AHCYL2: variants seen among roughly 807,000 people sequenced by gnomAD.
AHCYL2 encodes the protein S-adenosylhomocysteine hydrolase-like protein 2.
AHCYL2 carries 28 observed loss-of-function variants against 81.4 expected under a neutral mutation model. The observed-to-expected ratio is 0.34, with a 90% CI of 0.25 to 0.47. AHCYL2 has a LOEUF of 0.47. AHCYL2 is among the 20% of genes least tolerant of loss of function. The probability of loss-of-function intolerance (pLI) is 1.00; values close to 1 mark genes in which losing one functional copy is unlikely to be tolerated. For synonymous variants in AHCYL2, 272 were observed against 290.2 expected (o/e 0.94, Z 0.64); for missense variants, 551 against 785.1 (o/e 0.70, Z 3.56).
intron 1 of AHCYL2, among the ~76,000 whole-genome samples, chr7:129,334,281 TTCAAAGTTA>T: frequency 6.6e-6 from 1 of 152,342 alleles, no homozygotes; most frequent in East Asian, 1.9e-4. Flanking sequence ...GCTGCCTAAC[TTCAAAGTTA>T]TGCTACCTTC....
chr7:129,424,214 C>A (rs551202287), intron 13 of AHCYL2, among the ~76,000 whole-genome samples: 1 of 150,912 alleles, frequency 6.6e-6, no homozygotes, highest in South Asian at 2.1e-4. Flanking sequence ...TATGGTGAAA[C>A]CCTGTCTCTA....
At chr7:129,380,437 G>A (rs1194277708) in intron 2 of AHCYL2, among the ~76,000 whole-genome samples, 2 of 152,154 alleles carry the variant, frequency 1.3e-5, no homozygotes, top group Non-Finnish European at 2.9e-5. Flanking sequence ...ATGTGATAGG[G>A]AGCTGAGTGC....
intron 1 of AHCYL2, among the ~76,000 whole-genome samples, chr7:129,261,673 A>G (rs1204676364): frequency 2.6e-5 from 4 of 152,198 alleles, no homozygotes; most frequent in African/African-American, 4.8e-5. Context: ...CCCTTAATCT[A>G]TGATTTCAAT....
At chr7:129,387,002 G>A (rs916292385) in intron 2 of AHCYL2, among the ~76,000 whole-genome samples, 15 of 152,258 alleles carry the variant, frequency 9.9e-5, no homozygotes, top group Middle Eastern at 3.4e-3. Context: ...CATTTATTGA[G>A]TGCTTAATTA....
chr7:129,257,062 G>A (rs967233718), intron 1 of AHCYL2, among the ~76,000 whole-genome samples: 8 of 152,044 alleles, frequency 5.3e-5, no homozygotes, highest in Admixed American at 3.3e-4. Context: ...TGAAAACACC[G>A]ATAACCAGCT....
intron 11 of AHCYL2, among the ~76,000 whole-genome samples, chr7:129,411,446 A>T (rs913742347): frequency 1.3e-5 from 2 of 152,196 alleles, no homozygotes; most frequent in Non-Finnish European, 2.9e-5. Context: ...AGGGGAAAAA[A>T]TAATAATTTT....
chr7:129,301,858 C>A (rs764383360), intron 1 of AHCYL2, among the ~76,000 whole-genome samples: 21 of 149,196 alleles, frequency 1.4e-4, no homozygotes, highest in Non-Finnish European at 2.5e-4. Flanking sequence ...TTTTGTAGTT[C>A]TATATAAATT....
At chr7:129,275,065 A>C (rs904950122) in intron 1 of AHCYL2, among the ~76,000 whole-genome samples, 2 of 152,186 alleles carry the variant, frequency 1.3e-5, no homozygotes, top group Non-Finnish European at 2.9e-5. Flanking sequence ...AAGATTTAGA[A>C]TAGTTTTTAA....
intron 1 of AHCYL2, among the ~76,000 whole-genome samples, chr7:129,332,012 A>G (rs979010079): frequency 5.3e-5 from 8 of 151,976 alleles, no homozygotes; most frequent in African/African-American, 1.9e-4. Context: ...GCTGGGACTC[A>G]CTTTTATCTG....
intron 1 of AHCYL2, among the ~76,000 whole-genome samples, chr7:129,287,312 T>C (rs944785600): frequency 1.3e-5 from 2 of 152,240 alleles, no homozygotes; most frequent in African/African-American, 4.8e-5. Context: ...GAGACCACTG[T>C]TCCCAAACTG....
chr7:129,319,214 G>C (rs1797929586), intron 1 of AHCYL2, among the ~76,000 whole-genome samples: 1 of 152,100 alleles, frequency 6.6e-6, no homozygotes, highest in African/African-American at 2.4e-5. Context: ...CCAGCACTTT[G>C]GGAGGCCAAG....
intron 1 of AHCYL2, among the ~76,000 whole-genome samples, chr7:129,287,775 C>T (rs572569595): frequency 1.8e-4 from 27 of 152,270 alleles, no homozygotes; most frequent in Middle Eastern, 3.4e-3. Flanking sequence ...TGTAGAGCTC[C>T]TTCTCCCCAC....
chr7:129,353,310 C>T (rs1001121094), intron 1 of AHCYL2, among the ~76,000 whole-genome samples: 2 of 152,142 alleles, frequency 1.3e-5, no homozygotes, highest in African/African-American at 4.8e-5. Context: ...AAATTCCAGC[C>T]ACACAAGTAA....
At chr7:129,357,071 A>C (rs992964253) in intron 1 of AHCYL2, among the ~76,000 whole-genome samples, 5 of 152,208 alleles carry the variant, frequency 3.3e-5, no homozygotes, top group African/African-American at 9.6e-5. Flanking sequence ...GTATAGTGTT[A>C]TTTCGGGATT....
chr7:129,321,456 G>A (rs1798009797), intron 1 of AHCYL2, among the ~76,000 whole-genome samples: 1 of 152,128 alleles, frequency 6.6e-6, no homozygotes, highest in African/African-American at 2.4e-5. Context: ...GATATAGTAA[G>A]TTATATTGAT....
intron 1 of AHCYL2, among the ~76,000 whole-genome samples, chr7:129,248,540 G>A (rs1795138737): frequency 6.8e-6 from 1 of 147,126 alleles, no homozygotes; most frequent in South Asian, 2.2e-4. Flanking sequence ...TTTGATCTGA[G>A]GTTGGTTGAA....
At chr7:129,251,317 A>ATTT (rs3042851) in intron 1 of AHCYL2, among the ~76,000 whole-genome samples, 46 of 119,498 alleles carry the variant, frequency 3.8e-4, no homozygotes, top group African/African-American at 1.3e-3. Flanking sequence ...GATAGTAAAG[A>ATTT]TTTTTTTTTT....
intron 1 of AHCYL2, among the ~76,000 whole-genome samples, chr7:129,274,259 T>C (rs1796119729): frequency 6.6e-6 from 1 of 152,218 alleles, no homozygotes; most frequent in South Asian, 2.1e-4. Context: ...TGGGAGCAGA[T>C]AATTTGTTTC....
chr7:129,337,955 G>C (rs1793010526), intron 1 of AHCYL2, among the ~76,000 whole-genome samples: 1 of 151,866 alleles, frequency 6.6e-6, no homozygotes, highest in South Asian at 2.1e-4. Context: ...TGTTGGTCAG[G>C]CTGGCCTCAA....
Sources: gnomAD v4.1 joint callset for allele counts (sites outside exome capture counted in the v4.1 genomes callset) on GRCh38, gnomAD v4.1.1 for gene constraint, MANE v1.5 for transcripts, NCBI Gene and HGNC (gene_info 2026-07-23, HGNC 2026-07-21) for gene names.